BLK: variants seen among roughly 807,000 people sequenced by gnomAD.
The protein encoded by BLK is tyrosine-protein kinase Blk.
BLK carries 64 observed loss-of-function variants against 61.8 expected under a neutral mutation model. That is an observed-to-expected ratio of 1.03 (90% CI 0.85 to 1.27). The LOEUF (loss-of-function observed/expected upper bound fraction) is 1.27. Among genes scored for constraint, BLK ranks in the 50% most tolerant of loss-of-function variants. BLK has a pLI of 0.00. For synonymous variants in BLK, 351 were observed against 272.0 expected, an observed-to-expected ratio of 1.29 and a Z score of -2.86; for missense variants, 853 against 660.5, an observed-to-expected ratio of 1.29 and a Z score of -3.19.
chr8:11,563,423 A>G (rs1450903619), intron 12 of BLK, among the ~76,000 whole-genome samples: 1 of 152,194 alleles, frequency 6.6e-6, no homozygotes, highest in Non-Finnish European at 1.5e-5. Flanking sequence ...GGTTGTGCCT[A>G]CCTTGGCTTT....
Position 11,556,642 on chromosome 8 carries a change from A to T in BLK, c.773-16A>T. On this transcript the variant is annotated splice_polypyrimidine_tract_variant and intron_variant, in intron 8 of 12. Transcript: ENST00000259089. ...TCTCTGTCTTCTGATTGGCTTCTTC[A>T]CTCCCCCGGGCTCAGGTTACTACAA... is the stretch of plus-strand genomic sequence containing the variant. 3 of 1,612,778 alleles carry T rather than the reference A, an allele frequency of 1.9e-6. No homozygotes were observed. The highest frequency in any genetic ancestry group is 2.5e-6 in the Non-Finnish European group (3 of 1,179,778).
At chr8:11,532,045 G>C (rs1484215112) in intron 1 of BLK, among the ~76,000 whole-genome samples, 1 of 152,070 alleles carries the variant, frequency 6.6e-6, no homozygotes, top group Non-Finnish European at 1.5e-5. Context: ...TTTTAGTAGA[G>C]ATGGGGTTTC....
chr8:11,505,484 T>C (rs1420314673), intron 1 of BLK, among the ~76,000 whole-genome samples: 1 of 152,174 alleles, frequency 6.6e-6, no homozygotes, highest in Non-Finnish European at 1.5e-5. Context: ...CTGGCCGGTG[T>C]CCCTGAGTGA....
At chr8:11,530,086 T>G (rs1274659569) in intron 1 of BLK, among the ~76,000 whole-genome samples, 2 of 152,266 alleles carry the variant, frequency 1.3e-5, no homozygotes, top group Admixed American at 1.3e-4. Context: ...GCTTGCCTTA[T>G]TATACTTTGC....
At position 11,563,984 on chromosome 8, in the gene BLK, A is replaced by G. The variant is rs754170079; in HGVS notation, c.1394A>G (p.Tyr465Cys). ...PRPDTCPPEL[Y>C]RGVIAECWRS... ...CCCGACACCTGCCCGCCCGAGCTGTACCGCGGCGTCATCGCCGAGTGCTGG... is the reference window on the plus strand; with the variant it reads ...CCCGACACCTGCCCGCCCGAGCTGTGCCGCGGCGTCATCGCCGAGTGCTGG... The change falls in exon 13 of 13, where the codon TAC (tyrosine) becomes TGC (cysteine). Residue 465 changes from tyrosine (Y) to cysteine (C), a missense_variant. Coordinates refer to ENST00000259089, the MANE Select transcript of BLK (RefSeq NM_001715.3). 6.2e-7 allele frequency: 1 copy of G among 1,606,270 alleles called. No homozygotes were observed. The highest frequency in any genetic ancestry group is 8.5e-7 in the Non-Finnish European group (1 of 1,179,364).
chr8:11,546,381 C>T (rs1202263025), intron 3 of BLK, among the ~76,000 whole-genome samples: 4 of 152,224 alleles, frequency 2.6e-5, no homozygotes, highest in Admixed American at 6.5e-5. Context: ...AGGGAAGACA[C>T]ACAGCATCAT....
chr8:11,548,360 C>T (rs1006533491), intron 4 of BLK, among the ~76,000 whole-genome samples: 1 of 152,226 alleles, frequency 6.6e-6, no homozygotes, highest in Non-Finnish European at 1.5e-5. Context: ...AGTCCACGTT[C>T]CATGCCACCG....
chr8:11,539,323 A>G (rs1197519182), intron 1 of BLK, among the ~76,000 whole-genome samples: 1 of 152,110 alleles, frequency 6.6e-6, no homozygotes, highest in Non-Finnish European at 1.5e-5. Context: ...ATTCCTCTTG[A>G]CCTCACTGGT....
chr8:11,513,822 C>T (rs975053073), intron 1 of BLK, among the ~76,000 whole-genome samples: 7 of 152,260 alleles, frequency 4.6e-5, no homozygotes, highest in East Asian at 1.9e-4. Context: ...TCCACACCAC[C>T]GCCGCGCACT....
intron 2 of BLK, chr8:11,545,822 G>T: frequency 1.7e-6 from 1 of 584,824 alleles, no homozygotes; most frequent in Non-Finnish European, 3.1e-6. Context: ...CCACATTGGG[G>T]CATCCCCCAG....
At chr8:11,532,334 G>A (rs1799923451) in intron 1 of BLK, among the ~76,000 whole-genome samples, 1 of 150,040 alleles carries the variant, frequency 6.7e-6, no homozygotes, top group Non-Finnish European at 1.5e-5. Context: ...AAGTAGCTAG[G>A]ATTACAGGCA....
chr8:11,527,188 A>G (rs1200350509), intron 1 of BLK, among the ~76,000 whole-genome samples: 3 of 152,188 alleles, frequency 2.0e-5, no homozygotes, highest in Non-Finnish European at 4.4e-5. Flanking sequence ...AACACACCAA[A>G]GACTATACAA....
chr8:11,508,249 C>A (rs1251503507), intron 1 of BLK, among the ~76,000 whole-genome samples: 1 of 152,206 alleles, frequency 6.6e-6, no homozygotes, highest in East Asian at 1.9e-4. Flanking sequence ...GAAGGCTAAG[C>A]ACATGCTGGG....
At chr8:11,508,121 G>T (rs1201872207) in intron 1 of BLK, among the ~76,000 whole-genome samples, 1 of 152,232 alleles carries the variant, frequency 6.6e-6, no homozygotes, top group Non-Finnish European at 1.5e-5. Flanking sequence ...AAGGACTAGA[G>T]CCAAAGTGCA....
Position 11,543,083 on chromosome 8 carries a change from T to G in BLK, c.-1-141T>G, listed in dbSNP as rs988038551. 3.4e-5 allele frequency: 45 copies of G among 1,323,384 alleles called. No individual in the cohort carries two copies. The African/African-American group carries it at 6.5e-4, about 19-fold the overall frequency. 82.0% of individuals were successfully genotyped at this position (1,323,384 alleles called of 1,614,324 possible). On this transcript the variant is annotated intron_variant, in intron 1 of 12. Coordinates refer to ENST00000259089, the MANE Select transcript of BLK (RefSeq NM_001715.3). ...CTCACCCACCCGCTTCTACCCACGT[T>G]CTGACTTTGAGGTCTTTGCTGCACC...
intron 4 of BLK, 141 bp from the exon 5 acceptor site, chr8:11,548,883 C>A: frequency 1.3e-6 from 1 of 791,824 alleles, no homozygotes; most frequent in Non-Finnish European, 2.2e-6. Flanking sequence ...TGGGCACAAG[C>A]CCCTTCCTGC....
intron 1 of BLK, among the ~76,000 whole-genome samples, chr8:11,507,034 A>G (rs1208733194): frequency 1.3e-5 from 2 of 152,230 alleles, no homozygotes; most frequent in African/African-American, 4.8e-5. Flanking sequence ...AAATAGGAGG[A>G]AGAACAATCT....
At chr8:11,549,788 C>G (rs76713287) in intron 5 of BLK, among the ~76,000 whole-genome samples, 1 of 152,214 alleles carries the variant, frequency 6.6e-6, no homozygotes, top group Non-Finnish European at 1.5e-5. Flanking sequence ...CAGAGAGTCT[C>G]GGCAGTTTGC....
Position 11,526,705 on chromosome 8 carries a change from C to A in BLK, c.-1-16519C>A, listed in dbSNP as rs888486549. Among the ~76,000 whole-genome samples, 4 of 152,250 alleles carry A rather than the reference C, an allele frequency of 2.6e-5. 1 individual carries two copies. Among genetic ancestry groups the A allele is most frequent in the East Asian group, 3.9e-4 (2 of 5,182 alleles). Reference sequence around the variant, plus strand: ...GTGCACTCCAGCCTGGGGGACAGAGCAAGACTCTGTCTCAAAAAAACAAAA... The same window carrying A: ...GTGCACTCCAGCCTGGGGGACAGAGAAAGACTCTGTCTCAAAAAAACAAAA... On this transcript the variant is annotated intron_variant, in intron 1 of 12. Coordinates refer to ENST00000259089, the MANE Select transcript of BLK (RefSeq NM_001715.3).
Sources: allele counts gnomAD v4.1 joint callset (sites outside exome capture counted in the v4.1 genomes callset), GRCh38; gene constraint gnomAD v4.1.1; transcripts MANE v1.5; gene names NCBI Gene and HGNC (gene_info 2026-07-23, HGNC 2026-07-21).